Variants in KRT83 observed in about 807,000 individuals in gnomAD.
KRT83 encodes the protein keratin 83, also known as keratin, type II cuticular Hb3.
Under a neutral mutation model 52.9 loss-of-function variants are expected in KRT83, and 51 were observed. The observed-to-expected ratio is 0.96, with a 90% CI of 0.77 to 1.22. The LOEUF (loss-of-function observed/expected upper bound fraction) is 1.22. KRT83 is among the 50% of genes most tolerant of loss of function. The probability of loss-of-function intolerance (pLI) is 0.00; values close to 1 mark genes in which losing one functional copy is unlikely to be tolerated. For synonymous variants in KRT83, 278 were observed against 274.1 expected, an observed-to-expected ratio of 1.01 and a Z score of -0.14; for missense variants, 654 against 666.5, an observed-to-expected ratio of 0.98 and a Z score of 0.21.
chr12:52,320,213 C>T (rs1938749300), intron 1 of KRT83, among the ~76,000 whole-genome samples: 2 of 152,148 alleles, frequency 1.3e-5, no homozygotes, highest in African/African-American at 4.8e-5. Context: ...TAGTGTGACT[C>T]CTCTCTTGAG....
In KRT83 at chr12:52,317,930, C is replaced by T. The variant is rs775096150; in HGVS notation, c.634G>A (p.Glu212Lys). 3.7e-6 allele frequency: 6 copies of T among 1,614,040 alleles called. No homozygotes were observed. The Admixed American group carries it at 8.3e-5, about 22-fold the overall frequency. The change falls in exon 3 of 9, where the codon GAG becomes AAG. Residue 212 changes from glutamate to lysine, a missense_variant. Physicochemically the swap from Glu to Lys is moderately conservative, Grantham distance 56. Coordinates refer to ENST00000293670, the MANE Select transcript of KRT83 (RefSeq NM_002282.3). ...CTCACCTTCTTTAGAGCCACAAACT[C>T]GTTCTCTGCTGTGGCTCGAAGTGCT... ...EVALRATAENEFVALKKDVDC... is the reference protein window; with the variant it reads ...EVALRATAENKFVALKKDVDC...
rs751158922 is a variant in KRT83 at position 52,321,248 on chromosome 12, A to G, written c.88T>C (p.Cys30Arg). The G allele has an allele frequency of 4.3e-5, 69 of 1,613,452 alleles. No homozygotes were observed. The highest frequency in any genetic ancestry group is 5.5e-5 in the Non-Finnish European group (65 of 1,179,912). ...CGGTAGGGGGCGGCGGTGATGCAGC[A>G]GCGGCTTGGCCGGGGCCCGCAGGCA... ...VSACGPRPSR[C>R]CITAAPYRGI... The change falls in exon 1 of 9, where the codon TGC (cysteine) becomes CGC (arginine). Residue 30 changes from cysteine to arginine, a missense_variant. Cys to Arg is a radical substitution (Grantham distance 180). Coordinates refer to ENST00000293670, the MANE Select transcript of KRT83 (RefSeq NM_002282.3).
chr12:52,316,022 C>T lies in KRT83; in HGVS notation c.1133G>A (p.Gly378Asp), dbSNP rs754844434. 1.4e-5 allele frequency: 22 copies of T among 1,613,406 alleles called. No individual in the cohort carries two copies. Among genetic ancestry groups the T allele is most frequent in the Non-Finnish European group, 1.9e-5 (22 of 1,179,976 alleles). The change falls in exon 7 of 9, where the codon GGC becomes GAC. Residue 378 changes from glycine to aspartate, a missense_variant. Transcript: ENST00000293670. ...GTCTTGCTTGGCCTTCTGCAGGGCG[C>T]CCTCCAGCTCGGCCAGCTTGCAGCG... is the stretch of plus-strand genomic sequence containing the variant. Reference protein sequence around the residue: ...DARCKLAELEGALQKAKQDMA... With the variant: ...DARCKLAELEDALQKAKQDMA...
In KRT83 at chr12:52,321,069, G is replaced by A. The variant is rs367891695; in HGVS notation, c.267C>T (p.Asn89=). 2.4e-5 allele frequency: 39 copies of A among 1,612,328 alleles called. No homozygotes were observed. The highest frequency in any genetic ancestry group is 6.7e-5 in the African/African-American group (5 of 74,886). ...SPPCITTVSV[N]ESLLTPLNLE... ...GGTTGAGGGGCGTGAGGAGGCTCTC[G>A]TTGACCGACACGGTGGTGATGCATG... is the stretch of plus-strand genomic sequence containing the variant. Residue 89 remains asparagine (N), a synonymous_variant, in exon 1 of 9, where the codon AAC becomes AAT. Transcript: ENST00000293670.
In KRT83 at chr12:52,315,892, C is replaced by T; in HGVS notation, c.1262+1G>A. The stretch of plus-strand genomic sequence containing the variant: ...AGTGCTTAGGGCTGGGTTGGACCCA[C>T]CTCTGCTCCTCGCCCTCCAGCAGGC... On this transcript the variant is annotated splice_donor_variant, in intron 7 of 8. Coordinates refer to ENST00000293670, the MANE Select transcript of KRT83 (RefSeq NM_002282.3). LOFTEE classifies it high-confidence loss of function. 3.1e-6 allele frequency: 5 copies of T among 1,612,424 alleles called. No individual in the cohort carries two copies. Among genetic ancestry groups the T allele is most frequent in the Non-Finnish European group, 4.2e-6 (5 of 1,179,886 alleles).
rs1355007563 is a variant in KRT83 at position 52,314,475 on chromosome 12, G to A, written c.*156C>T. On this transcript the variant is annotated 3_prime_UTR_variant, in exon 9 of 9. Coordinates refer to ENST00000293670, the MANE Select transcript of KRT83 (RefSeq NM_002282.3). Reference sequence around the variant, plus strand: ...GCCACAGGCCCCTTTCCAGTGGGATGAAAGGTGGGGAGGAGCCGCTGGTGG... The same window carrying A: ...GCCACAGGCCCCTTTCCAGTGGGATAAAAGGTGGGGAGGAGCCGCTGGTGG... The A allele has an allele frequency of 4.1e-6, 3 of 734,072 alleles. No individual in the cohort carries two copies. Among genetic ancestry groups the A allele is most frequent in the African/African-American group, 1.7e-5 (1 of 57,612 alleles). The allele number at this position is 734,072 out of a possible 1,614,324, so 45.5% of individuals were successfully genotyped here.
rs776707157 is a variant in KRT83, at chr12:52,315,876, G to T, written c.1262+17C>A. 3.1e-6 allele frequency: 5 copies of T among 1,612,076 alleles called. No individual in the cohort carries two copies. In the East Asian group the frequency reaches 6.7e-5, roughly 22 times the overall value. ...AGGTCTATGCAAGTGGAGTGCTTAG[G>T]GCTGGGTTGGACCCACCTCTGCTCC... On this transcript the variant is annotated intron_variant, in intron 7 of 8. Coordinates refer to ENST00000293670, the MANE Select transcript of KRT83 (RefSeq NM_002282.3).
At position 52,321,288 on chromosome 12, in the gene KRT83, G is replaced by A. The variant is rs751248490; in HGVS notation, c.48C>T (p.Asn16=). 1.9e-6 allele frequency: 3 copies of A among 1,613,642 alleles called. No homozygotes were observed. In the East Asian group the frequency reaches 6.7e-5, roughly 36 times the overall value. Reference sequence around the variant, plus strand: ...GCCCGCAGGCAGAGACACAGCTGAAGTTTCCAGGGCGGAACCCACAGCCTA... The same window carrying A: ...GCCCGCAGGCAGAGACACAGCTGAAATTTCCAGGGCGGAACCCACAGCCTA... ...NSIGCGFRPG[N]FSCVSACGPR... is the part of the protein sequence containing the mutation. Residue 16 remains asparagine (N), a synonymous_variant, in exon 1 of 9, where the codon AAC becomes AAT. Transcript: ENST00000293670.
chr12:52,315,458 T>A (rs1938671578), intron 7 of KRT83, 115 bp from the exon 8 acceptor site: 2 of 1,110,520 alleles, frequency 1.8e-6, no homozygotes. Context: ...CTACATTTAT[T>A]CCCTTGTGCA....
intron 2 of KRT83, among the ~76,000 whole-genome samples, chr12:52,318,871 T>C (rs892357463): frequency 6.6e-6 from 1 of 152,168 alleles, no homozygotes; most frequent in Admixed American, 6.5e-5. Context: ...GGAAGACACA[T>C]GTCCAGGACT....
chr12:52,315,828 A>G (rs1938677073), intron 7 of KRT83, 65 bp downstream of exon 7: 1 of 1,606,936 alleles, frequency 6.2e-7, no homozygotes, highest in Non-Finnish European at 8.5e-7. Context: ...TGAGACTGAG[A>G]TAGGGAAAAA....
At position 52,314,784 on chromosome 12, in the gene KRT83, C is replaced by T. The variant is rs569731610; in HGVS notation, c.1329G>A (p.Gly443=). 18 of 1,607,022 alleles carry T rather than the reference C, an allele frequency of 1.1e-5. No individual in the cohort carries two copies. The highest frequency in any genetic ancestry group is 1.5e-5 in the Non-Finnish European group (18 of 1,177,486). ...GCCGGGAGCCCGACACGCAGAGATC[C>T]CCGCACACAACCCCACCCCGGGAGC... ...VSSSRGGVVC[G]DLCVSGSRPV... is the part of the protein sequence containing the mutation. The change falls in exon 9 of 9, where the codon GGG becomes GGA. Residue 443 remains glycine (G), a synonymous_variant. Coordinates refer to ENST00000293670, the MANE Select transcript of KRT83 (RefSeq NM_002282.3).
chr12:52,314,315 T>G lies in KRT83; in HGVS notation c.*316A>C. 2 of 444,352 alleles carry G rather than the reference T, an allele frequency of 4.5e-6. No individual in the cohort carries two copies. The highest frequency in any genetic ancestry group is 4.5e-5 in the East Asian group (1 of 22,250). The allele number at this position is 444,352 out of a possible 1,614,324, so 27.5% of individuals were successfully genotyped here. ...CAGCACACAAAGCAGGTCCCCAAGT[T>G]TATTGGAAAAGGGGAGACAAGAGGC... On this transcript the variant is annotated 3_prime_UTR_variant, in exon 9 of 9. Transcript: ENST00000293670.
Position 52,316,589 on chromosome 12 carries a change from T to C in KRT83, c.920A>G (p.Glu307Gly). 6.2e-7 allele frequency: 1 copy of C among 1,614,154 alleles called. No homozygotes were observed. The highest frequency in any genetic ancestry group is 8.5e-7 in the Non-Finnish European group (1 of 1,180,030). ...EAESWYRSKC[E>G]EMKATVIRHG... ...CCTGATCACTGTGGCCTTCATCTCC[T>C]CACACTGCAGGAAGCAGAGATGTTC... Residue 307 changes from glutamate (E) to glycine (G), a missense_variant, in exon 6 of 9, where the codon GAG becomes GGG. Transcript: ENST00000293670.
chr12:52,314,503 A>C lies in KRT83; in HGVS notation c.*128T>G. 6.8e-6 allele frequency: 6 copies of C among 883,574 alleles called. No individual in the cohort carries two copies. The highest frequency in any genetic ancestry group is 9.2e-6 in the Non-Finnish European group (5 of 543,992). 54.7% of individuals were successfully genotyped at this position (883,574 alleles called of 1,614,324 possible). The stretch of plus-strand genomic sequence containing the variant: ...AGGTGGGGAGGAGCCGCTGGTGGGA[A>C]TGAGCCGATGGTGTATTCTCAGAAC... On this transcript the variant is annotated 3_prime_UTR_variant, in exon 9 of 9. Transcript: ENST00000293670.
chr12:52,321,153 G>T lies in KRT83; in HGVS notation c.183C>A (p.Ala61=), dbSNP rs755364196. 1.2e-6 allele frequency: 2 copies of T among 1,612,340 alleles called. No homozygotes were observed. The highest frequency in any genetic ancestry group is 2.2e-5 in the South Asian group (2 of 90,942). The part of the protein sequence containing the change: ...GSHSVCGGFR[A]GSCGRSFGYR... ...AGCCGAAGCTGCGTCCGCAGGAGCCGGCGCGGAAGCCCCCGCACACGCTGT... is the reference window on the plus strand; with the variant it reads ...AGCCGAAGCTGCGTCCGCAGGAGCCTGCGCGGAAGCCCCCGCACACGCTGT... The change falls in exon 1 of 9, where the codon GCC becomes GCA. Residue 61 remains alanine (A), a synonymous_variant. Coordinates refer to ENST00000293670, the MANE Select transcript of KRT83 (RefSeq NM_002282.3).
In KRT83 at chr12:52,321,081, G is replaced by T. The variant is rs752994861; in HGVS notation, c.255C>A (p.Thr85=). The part of the protein sequence containing the change: ...VCGPSPPCIT[T]VSVNESLLTP... ...TGAGGAGGCTCTCGTTGACCGACAC[G>T]GTGGTGATGCATGGGGGGCTGGGTC... Residue 85 remains threonine (T), a synonymous_variant, in exon 1 of 9, where the codon ACC becomes ACA. Transcript: ENST00000293670. 6.2e-7 allele frequency: 1 copy of T among 1,612,354 alleles called. No homozygotes were observed.
chr12:52,314,483 G>T lies in KRT83; in HGVS notation c.*148C>A. 1.3e-6 allele frequency: 1 copy of T among 760,748 alleles called. No homozygotes were observed. 47.1% of individuals were successfully genotyped at this position (760,748 alleles called of 1,614,324 possible). On this transcript the variant is annotated 3_prime_UTR_variant, in exon 9 of 9. Transcript: ENST00000293670. ...CCCCTTTCCAGTGGGATGAAAGGTGGGGAGGAGCCGCTGGTGGGAATGAGC... is the reference window on the plus strand; with the variant it reads ...CCCCTTTCCAGTGGGATGAAAGGTGTGGAGGAGCCGCTGGTGGGAATGAGC...
intron 1 of KRT83, among the ~76,000 whole-genome samples, chr12:52,320,159 A>G (rs1938747423): frequency 7.5e-6 from 1 of 133,578 alleles, no homozygotes; most frequent in Non-Finnish European, 1.6e-5. Context: ...GCTATTAGAA[A>G]TTCCACATTT....
Sources: gnomAD v4.1 joint callset for allele counts (sites outside exome capture counted in the v4.1 genomes callset) on GRCh38, gnomAD v4.1.1 for gene constraint, MANE v1.5 for transcripts, NCBI Gene and HGNC (gene_info 2026-07-23, HGNC 2026-07-21) for gene names.